Variants in MSI2 observed in about 807,000 individuals in gnomAD.
MSI2 encodes the protein RNA-binding protein Musashi homolog 2.
MSI2 carries 17 observed loss-of-function variants against 45.6 expected under a neutral mutation model. That is an observed-to-expected ratio of 0.37 (90% CI 0.26 to 0.56). MSI2 has a LOEUF of 0.56. Among genes scored for constraint, MSI2 ranks in the 20% least tolerant of loss-of-function variants. The probability of loss-of-function intolerance (pLI) is 0.77; values close to 1 mark genes in which losing one functional copy is unlikely to be tolerated. For missense variants in MSI2, 293 were observed against 444.2 expected (o/e 0.66, Z 3.06); for synonymous variants, 156 against 158.2 (o/e 0.99, Z 0.11).
At chr17:57,261,652 A>T (rs1222478617) in intron 4 of MSI2, among the ~76,000 whole-genome samples, 1 of 152,176 alleles carries the variant, frequency 6.6e-6, no homozygotes, top group Non-Finnish European at 1.5e-5. Flanking sequence ...GATTTAAAAA[A>T]TTTTTGGAAG....
intron 5 of MSI2, chr17:57,264,892 C>G (rs1351341457): frequency 6.6e-6 from 1 of 152,246 alleles, no homozygotes; most frequent in Non-Finnish European, 1.5e-5. Context: ...CTTTGAAGTT[C>G]TGCGTTCCTG....
intron 5 of MSI2, among the ~76,000 whole-genome samples, chr17:57,333,790 A>AG (rs10713486): frequency 2.7e-5 from 4 of 150,656 alleles, no homozygotes; most frequent in South Asian, 2.1e-4. Flanking sequence ...TAAATAAGAA[A>AG]GGGAAAAAAA....
chr17:57,697,143 G>GACACACACACACATACACACACACAC, the MSI2 span, among the ~76,000 whole-genome samples: 18 of 54,124 alleles, frequency 3.3e-4, no homozygotes, highest in East Asian at 1.7e-3. Context: ...TCGCCAGCAG[G>GACACACACACACATACACACACACAC]ACACACACAC....
At chr17:57,457,730 A>G (rs1317964025) in intron 6 of MSI2, among the ~76,000 whole-genome samples, 2 of 152,076 alleles carry the variant, frequency 1.3e-5, no homozygotes, top group Non-Finnish European at 2.9e-5. Context: ...CTCTATCTCT[A>G]CAAATAAAAT....
At chr17:57,492,520 G>A (rs187543726) in intron 6 of MSI2, among the ~76,000 whole-genome samples, 3 of 152,306 alleles carry the variant, frequency 2.0e-5, no homozygotes, top group East Asian at 1.9e-4. Flanking sequence ...TTCAGCAGCC[G>A]CTGAGTACAT....
intron 8 of MSI2, among the ~76,000 whole-genome samples, chr17:57,604,538 C>G (rs974681052): frequency 6.6e-6 from 1 of 152,034 alleles, no homozygotes; most frequent in Non-Finnish European, 1.5e-5. Flanking sequence ...GCAGGAGGAA[C>G]CAAGAGATGT....
At position 57,387,052 on chromosome 17, in the gene MSI2, A is replaced by G. The variant is rs189473225; in HGVS notation, c.313-14327A>G. Among the ~76,000 whole-genome samples the G allele has an allele frequency of 9.8e-5, 15 of 152,308 alleles. 1 individual carries two copies. The East Asian group carries it at 2.9e-3, about 29-fold the overall frequency. ...TGACAGCCCTCCAGGGTGAACTACA[A>G]AATGAGCCCTCCATGTTCCGGCTGA... On this transcript the variant is annotated intron_variant, in intron 5 of 13. Coordinates refer to ENST00000284073, the MANE Select transcript of MSI2 (RefSeq NM_138962.4).
At chr17:57,260,852 G>A (rs1399523874) in intron 4 of MSI2, among the ~76,000 whole-genome samples, 1 of 152,076 alleles carries the variant, frequency 6.6e-6, no homozygotes, top group Non-Finnish European at 1.5e-5. Context: ...GGGAACAAAT[G>A]AACTATCCTC....
At chr17:57,597,753 T>A (rs1280758021) in intron 8 of MSI2, among the ~76,000 whole-genome samples, 1 of 152,270 alleles carries the variant, frequency 6.6e-6, no homozygotes, top group Non-Finnish European at 1.5e-5. Context: ...GATATTCTTT[T>A]GCTGTGCAGC....
intron 5 of MSI2, among the ~76,000 whole-genome samples, chr17:57,390,949 A>G (rs759908846): frequency 1.3e-5 from 2 of 152,226 alleles, no homozygotes; most frequent in Non-Finnish European, 2.9e-5. Flanking sequence ...GAGGTTCCCC[A>G]AGATGATAGA....
intron 6 of MSI2, among the ~76,000 whole-genome samples, chr17:57,443,204 A>T (rs974516922): frequency 3.3e-5 from 5 of 152,092 alleles, no homozygotes; most frequent in Non-Finnish European, 4.4e-5. Context: ...GGCCTTGGGT[A>T]AAGGGAGTGG....
intron 5 of MSI2, among the ~76,000 whole-genome samples, chr17:57,284,208 C>G (rs540479887): frequency 6.6e-6 from 1 of 152,218 alleles, no homozygotes; most frequent in Admixed American, 6.5e-5. Flanking sequence ...ATTGGCTGTG[C>G]TGGGCCCTCC....
chr17:57,313,692 G>A (rs1205757272), intron 5 of MSI2, among the ~76,000 whole-genome samples: 1 of 152,202 alleles, frequency 6.6e-6, no homozygotes, highest in Non-Finnish European at 1.5e-5. Flanking sequence ...GCAAGGTGAG[G>A]TCCGCTTTCA....
chr17:57,332,373 T>C (rs1161556054), intron 5 of MSI2, among the ~76,000 whole-genome samples: 1 of 152,166 alleles, frequency 6.6e-6, no homozygotes, highest in African/African-American at 2.4e-5. Flanking sequence ...AGTGCTGGGG[T>C]TACAGGCATG....
chr17:57,472,368 C>G (rs2541051), intron 6 of MSI2, among the ~76,000 whole-genome samples: 118,149 of 152,080 alleles, frequency 0.78, 46,343 homozygotes, highest in East Asian at 0.91. Context: ...CCTAAGGGCT[C>G]TTCTGGGGAG....
At chr17:57,317,433 C>G (rs1292662598) in intron 5 of MSI2, among the ~76,000 whole-genome samples, 1 of 150,718 alleles carries the variant, frequency 6.6e-6, no homozygotes, top group African/African-American at 2.4e-5. Flanking sequence ...TCAACAATCT[C>G]AATTAGCATT....
At chr17:57,290,664 A>G (rs1910326786) in intron 5 of MSI2, among the ~76,000 whole-genome samples, 1 of 152,198 alleles carries the variant, frequency 6.6e-6, no homozygotes, top group Admixed American at 6.5e-5. Flanking sequence ...AGGCTTTAGG[A>G]AAGTGCTTCT....
chr17:57,462,302 CT>C (rs1166366451), intron 6 of MSI2, among the ~76,000 whole-genome samples: 3 of 152,240 alleles, frequency 2.0e-5, no homozygotes, highest in African/African-American at 7.2e-5. Flanking sequence ...CCTCACCTGC[CT>C]GGCCCTTCAT....
At chr17:57,431,836 C>T (rs1184089721) in intron 6 of MSI2, among the ~76,000 whole-genome samples, 2 of 152,178 alleles carry the variant, frequency 1.3e-5, no homozygotes, top group Non-Finnish European at 2.9e-5. Context: ...CTCTCTGCCC[C>T]CAGTGTCCAC....
Sources: gnomAD v4.1 joint callset for allele counts (sites outside exome capture counted in the v4.1 genomes callset) on GRCh38, gnomAD v4.1.1 for gene constraint, MANE v1.5 for transcripts, NCBI Gene and HGNC (gene_info 2026-07-23, HGNC 2026-07-21) for gene names.